The following RAD51B variants were observed in gnomAD, a reference collection of about 807,000 sequenced individuals.
RAD51B encodes DNA repair protein RAD51 homolog 2.
Under a neutral mutation model 42.2 loss-of-function variants are expected in RAD51B, and 38 were observed. The observed-to-expected ratio is 0.90, with a 90% CI of 0.70 to 1.18. The LOEUF is 1.18. Among genes scored for constraint, RAD51B ranks in the 50% most tolerant of loss-of-function variants. The pLI is 0.00. For missense variants in RAD51B, 373 were observed against 400.7 expected (o/e 0.93, Z 0.59); for synonymous variants, 154 against 145.2 (o/e 1.06, Z -0.43).
intron 7 of RAD51B, among the ~76,000 whole-genome samples, chr14:67,975,048 A>G (rs1432054938): frequency 6.6e-6 from 1 of 152,150 alleles, no homozygotes; most frequent in Admixed American, 6.5e-5. Context: ...TTAGTTATCA[A>G]TTGCCATAAC....
chr14:68,298,271 T>G (rs2081651944), intron 8 of RAD51B, among the ~76,000 whole-genome samples: 2 of 152,112 alleles, frequency 1.3e-5, no homozygotes, highest in South Asian at 4.1e-4. Flanking sequence ...GGGAGAGGAA[T>G]GTGTTGAGGA....
At chr14:67,996,739 C>T (rs2075392028) in intron 7 of RAD51B, among the ~76,000 whole-genome samples, 1 of 152,050 alleles carries the variant, frequency 6.6e-6, no homozygotes, top group Non-Finnish European at 1.5e-5. Flanking sequence ...GAAGAGACAC[C>T]TAATTTATAT....
chr14:68,257,768 C>G (rs1298608398), intron 7 of RAD51B, among the ~76,000 whole-genome samples: 1 of 151,988 alleles, frequency 6.6e-6, no homozygotes, highest in African/African-American at 2.4e-5. Context: ...GTGTTGTTCT[C>G]TGTGATTGTT....
At chr14:68,142,975 A>C (rs911156321) in intron 7 of RAD51B, among the ~76,000 whole-genome samples, 2 of 149,540 alleles carry the variant, frequency 1.3e-5, no homozygotes, top group African/African-American at 2.5e-5. Context: ...CGACAGAGCA[A>C]GACTCTGTCT....
chr14:68,497,092 T>C (rs1281768014), intron 10 of RAD51B: 12 of 1,363,212 alleles, frequency 8.8e-6, no homozygotes, highest in Non-Finnish European at 9.8e-6. Flanking sequence ...TTTCTAGGTA[T>C]CTTGACACTC....
intron 7 of RAD51B, among the ~76,000 whole-genome samples, chr14:67,896,716 CAA>C (rs1212910650): frequency 6.6e-6 from 1 of 152,064 alleles, no homozygotes; most frequent in African/African-American, 2.4e-5. Flanking sequence ...TTTTCAAAGA[CAA>C]AATTTGTTTT....
At position 68,587,078 on chromosome 14, in the gene RAD51B, A is replaced by G. The variant is rs541325509; in HGVS notation, c.1037-7407A>G. Among the ~76,000 whole-genome samples the G allele has an allele frequency of 2.0e-5, 3 of 152,118 alleles. No individual in the cohort carries two copies. In the South Asian group the frequency reaches 6.2e-4, roughly 32 times the overall value. ...CTTTGAGATCCTGAGGCCAGCAGCC[A>G]GGGATCCTGCTCTCTGCTATATGTC... On this transcript the variant is annotated intron_variant, in intron 10 of 10. Coordinates refer to the RAD51B transcript ENST00000487270.
chr14:68,634,681 T>G (rs68065132), intron 10 of RAD51B, among the ~76,000 whole-genome samples: 2 of 151,668 alleles, frequency 1.3e-5, no homozygotes, highest in Non-Finnish European at 2.9e-5. Flanking sequence ...CAGCCAGTAA[T>G]GGGGTGGGGG....
At chr14:67,990,173 T>A (rs2075270864) in intron 7 of RAD51B, among the ~76,000 whole-genome samples, 1 of 151,978 alleles carries the variant, frequency 6.6e-6, no homozygotes, top group South Asian at 2.1e-4. Context: ...AATTGTGGTA[T>A]TTTTAGTAGA....
chr14:68,601,142 C>T (rs1891200488), intron 10 of RAD51B, among the ~76,000 whole-genome samples: 1 of 152,158 alleles, frequency 6.6e-6, no homozygotes, highest in South Asian at 2.1e-4. Flanking sequence ...CCACACCTGG[C>T]CCCAAGATCC....
chr14:68,620,582 C>T (rs1891924839), intron 10 of RAD51B, among the ~76,000 whole-genome samples: 1 of 152,198 alleles, frequency 6.6e-6, no homozygotes, highest in Admixed American at 6.5e-5. Flanking sequence ...AATGCCTATA[C>T]CTGACATTTT....
At chr14:68,048,600 T>A (rs2076341040) in intron 7 of RAD51B, among the ~76,000 whole-genome samples, 1 of 152,212 alleles carries the variant, frequency 6.6e-6, no homozygotes, top group Non-Finnish European at 1.5e-5. Flanking sequence ...CTTTAATCCA[T>A]CTTGAATTAA....
intron 10 of RAD51B, chr14:68,540,936 A>G (rs1282423279): frequency 5.1e-6 from 5 of 985,486 alleles, no homozygotes; most frequent in African/African-American, 1.7e-5. Context: ...GAGGCAGGGC[A>G]TGCTTTCTTC....
intron 10 of RAD51B, among the ~76,000 whole-genome samples, chr14:68,603,673 G>A (rs1473616116): frequency 6.6e-6 from 1 of 152,156 alleles, no homozygotes; most frequent in African/African-American, 2.4e-5. Context: ...TTTTAATTCT[G>A]TTGAAGTGTC....
chr14:68,215,488 A>G (rs1462242048), intron 7 of RAD51B, among the ~76,000 whole-genome samples: 1 of 152,256 alleles, frequency 6.6e-6, no homozygotes, highest in Non-Finnish European at 1.5e-5. Flanking sequence ...GCAGTAGTGC[A>G]TTTAATCCTT....
chr14:68,147,745 CT>C (rs2078283273), intron 7 of RAD51B, among the ~76,000 whole-genome samples: 1 of 149,820 alleles, frequency 6.7e-6, no homozygotes, highest in South Asian at 2.1e-4. Context: ...TACAACACAG[CT>C]GGAAGGAATT....
intron 5 of RAD51B, among the ~76,000 whole-genome samples, chr14:67,873,706 A>G (rs1233383834): frequency 2.7e-5 from 4 of 148,246 alleles, no homozygotes; most frequent in Non-Finnish European, 6.0e-5. Flanking sequence ...CAACAATGAT[A>G]GACTGGATTA....
At chr14:68,285,302 G>A (rs1042456000) in intron 7 of RAD51B, among the ~76,000 whole-genome samples, 1 of 152,134 alleles carries the variant, frequency 6.6e-6, no homozygotes. Flanking sequence ...AGAAAGGCTA[G>A]GTCACTGTCA....
chr14:68,065,482 G>A (rs1415941218), intron 7 of RAD51B, among the ~76,000 whole-genome samples: 1 of 152,152 alleles, frequency 6.6e-6, no homozygotes, highest in Non-Finnish European at 1.5e-5. Flanking sequence ...GCTTCCCTAG[G>A]GGTGAGGTGT....
Sources: gnomAD v4.1 joint callset for allele counts (sites outside exome capture counted in the v4.1 genomes callset) on GRCh38, gnomAD v4.1.1 for gene constraint, MANE v1.5 for transcripts, NCBI Gene and HGNC (gene_info 2026-07-23, HGNC 2026-07-21) for gene names.